Variants in RSPO2 observed in about 807,000 individuals in gnomAD.
RSPO2 encodes the protein R-spondin 2, also known as R-spondin-2.
RSPO2 carries 14 observed loss-of-function variants against 30.9 expected under a neutral mutation model. The ratio of observed to expected loss-of-function variants is 0.45; its 90% CI spans 0.30 to 0.71. The LOEUF (loss-of-function observed/expected upper bound fraction) is 0.71. RSPO2 is among the 30% of genes least tolerant of loss of function. The probability of loss-of-function intolerance (pLI) is 0.08; values close to 1 mark genes in which losing one functional copy is unlikely to be tolerated. For missense variants in RSPO2, 264 were observed against 301.9 expected, an observed-to-expected ratio of 0.87 and a Z score of 0.93; for synonymous variants, 107 against 96.4, an observed-to-expected ratio of 1.11 and a Z score of -0.64.
chr8:108,047,751 T>C (rs1235304914), intron 2 of RSPO2, among the ~76,000 whole-genome samples: 3 of 151,616 alleles, frequency 2.0e-5, no homozygotes, highest in African/African-American at 4.8e-5. Context: ...TTTGGGAGGC[T>C]GAGGCAGGAG....
chr8:108,001,851 G>A (rs1296252644), intron 2 of RSPO2, among the ~76,000 whole-genome samples: 1 of 152,140 alleles, frequency 6.6e-6, no homozygotes, highest in East Asian at 1.9e-4. Flanking sequence ...CATGGACACA[G>A]AGAGGGGAAC....
chr8:108,051,354 T>A (rs1439293435), intron 2 of RSPO2, among the ~76,000 whole-genome samples: 1 of 151,996 alleles, frequency 6.6e-6, no homozygotes, highest in Non-Finnish European at 1.5e-5. Flanking sequence ...TTTGGCATAG[T>A]GAAGGTTTGA....
intron 2 of RSPO2, among the ~76,000 whole-genome samples, chr8:108,000,874 C>T (rs914045582): frequency 2.5e-4 from 38 of 151,884 alleles, no homozygotes; most frequent in African/African-American, 8.2e-4. Flanking sequence ...TGGTGGTGGG[C>T]GCCTGTAGTC....
intron 5 of RSPO2, among the ~76,000 whole-genome samples, chr8:107,908,102 G>C (rs17310887): frequency 0.22 from 34,049 of 151,996 alleles, 4,248 homozygotes; most frequent in Middle Eastern, 0.38. Flanking sequence ...GTATTTACCA[G>C]TACGGTTTCC....
chr8:107,925,942 A>C (rs1812355620), intron 5 of RSPO2, among the ~76,000 whole-genome samples: 1 of 152,164 alleles, frequency 6.6e-6, no homozygotes, highest in African/African-American at 2.4e-5. Context: ...GCTGGGTCAA[A>C]TAGTATTTCT....
chr8:107,993,844 C>A (rs1814928882), intron 2 of RSPO2, among the ~76,000 whole-genome samples: 1 of 152,134 alleles, frequency 6.6e-6, no homozygotes, highest in African/African-American at 2.4e-5. Context: ...TCAATCCCTG[C>A]CTCCATTGTC....
chr8:107,901,182 T>G lies in RSPO2; in HGVS notation c.625A>C (p.Thr209Pro). ...TMRHCPGGKR[T>P]PKAKEKRNKK... ...TTCCTCTTCTCCTTCGCCTTTGGTGTTCTCTTCCCTGCAATGAAGGAAAGA... is the reference window on the plus strand; with the variant it reads ...TTCCTCTTCTCCTTCGCCTTTGGTGGTCTCTTCCCTGCAATGAAGGAAAGA... The change falls in exon 6 of 6, where the codon ACA becomes CCA. Residue 209 changes from threonine to proline, a missense_variant. Thr to Pro is a conservative substitution (Grantham distance 38, BLOSUM62 -1). Transcript: ENST00000276659. 6.2e-7 allele frequency: 1 copy of G among 1,613,050 alleles called. No homozygotes were observed. Among genetic ancestry groups the G allele is most frequent in the South Asian group, 1.1e-5 (1 of 90,948 alleles).
chr8:108,055,116 G>C (rs1441874793), intron 2 of RSPO2, among the ~76,000 whole-genome samples: 1 of 148,208 alleles, frequency 6.7e-6, no homozygotes, highest in Non-Finnish European at 1.5e-5. Flanking sequence ...GCAAGACCTT[G>C]TATCAAAAGA....
intron 2 of RSPO2, among the ~76,000 whole-genome samples, chr8:108,044,610 C>T (rs1328203324): frequency 6.6e-6 from 1 of 151,960 alleles, no homozygotes; most frequent in Admixed American, 6.6e-5. Flanking sequence ...TTCAATTCAC[C>T]ATTGATGGGC....
intron 3 of RSPO2, among the ~76,000 whole-genome samples, chr8:107,979,258 G>A (rs10096737): frequency 0.078 from 11,863 of 152,194 alleles, 1,033 homozygotes; most frequent in African/African-American, 0.21. Flanking sequence ...ACTATTCACA[G>A]TAGCAAAGAC....
At chr8:107,978,950 T>C (rs1563547999) in intron 3 of RSPO2, among the ~76,000 whole-genome samples, 1 of 152,176 alleles carries the variant, frequency 6.6e-6, no homozygotes, top group Non-Finnish European at 1.5e-5. Flanking sequence ...TCACTGGCCG[T>C]CAGAGAAATG....
At chr8:108,071,341 T>C (rs1021939365) in intron 2 of RSPO2, among the ~76,000 whole-genome samples, 2 of 152,224 alleles carry the variant, frequency 1.3e-5, no homozygotes, top group Non-Finnish European at 2.9e-5. Flanking sequence ...CCACTGCTGA[T>C]GTAACTTACT....
At chr8:108,056,823 AG>A in intron 2 of RSPO2, among the ~76,000 whole-genome samples, 1 of 151,306 alleles carries the variant, frequency 6.6e-6, no homozygotes. Context: ...TGGGAGGCCA[AG>A]GGGGGTGGAT....
chr8:107,952,919 GA>G (rs1310341749), intron 5 of RSPO2, among the ~76,000 whole-genome samples: 3 of 152,090 alleles, frequency 2.0e-5, no homozygotes, highest in African/African-American at 7.2e-5. Flanking sequence ...AAGAAAGAAA[GA>G]ATACCCTAAA....
At chr8:108,056,945 T>A (rs1468323671) in intron 2 of RSPO2, among the ~76,000 whole-genome samples, 1 of 150,066 alleles carries the variant, frequency 6.7e-6, no homozygotes, top group African/African-American at 2.4e-5. Flanking sequence ...TAATCCCAGC[T>A]ACTCAGGAGG....
intron 2 of RSPO2, among the ~76,000 whole-genome samples, chr8:108,003,826 A>G (rs1026218133): frequency 1.3e-5 from 2 of 152,188 alleles, no homozygotes; most frequent in African/African-American, 4.8e-5. Context: ...TTCCAAGATC[A>G]TAGTTTGTGA....
At chr8:107,938,722 G>C (rs1223001442) in intron 5 of RSPO2, among the ~76,000 whole-genome samples, 1 of 152,152 alleles carries the variant, frequency 6.6e-6, no homozygotes, top group East Asian at 1.9e-4. Context: ...AGCCAAGCTG[G>C]GAAGAAATTT....
At chr8:108,036,441 T>C (rs1428710220) in intron 2 of RSPO2, among the ~76,000 whole-genome samples, 2 of 152,222 alleles carry the variant, frequency 1.3e-5, no homozygotes, top group East Asian at 1.9e-4. Flanking sequence ...TCTGCACCTA[T>C]GACAACCATT....
At chr8:107,901,680 ATACCAAT>A (rs1811471766) in intron 5 of RSPO2, among the ~76,000 whole-genome samples, 1 of 152,248 alleles carries the variant, frequency 6.6e-6, no homozygotes, top group African/African-American at 2.4e-5. Flanking sequence ...CATATTCCAA[ATACCAAT>A]GTATAAAATG....
Sources: allele counts gnomAD v4.1 joint callset (sites outside exome capture counted in the v4.1 genomes callset), GRCh38; gene constraint gnomAD v4.1.1; transcripts MANE v1.5; gene names NCBI Gene and HGNC (gene_info 2026-07-23, HGNC 2026-07-21).